Variants in DPYSL5 observed in about 807,000 individuals in gnomAD.
DPYSL5 encodes dihydropyrimidinase-related protein 5.
In DPYSL5, 9 loss-of-function variants were observed where a neutral mutation model predicts 58.4. That is an observed-to-expected ratio of 0.15 (90% CI 0.09 to 0.27). DPYSL5 has a LOEUF of 0.27. Ranked by LOEUF, DPYSL5 falls within the 10% of genes least tolerant of loss-of-function variation. DPYSL5 has a pLI of 1.00. For missense variants in DPYSL5, 499 were observed against 770.6 expected (o/e 0.65, Z 4.17); for synonymous variants, 293 against 301.9 (o/e 0.97, Z 0.31).
At chr2:26,941,467 A>G (rs1457987788) in intron 9 of DPYSL5, among the ~76,000 whole-genome samples, 1 of 152,206 alleles carries the variant, frequency 6.6e-6, no homozygotes, top group Non-Finnish European at 1.5e-5. Context: ...ATGAGCCCCA[A>G]AGAGATTTGA....
At chr2:26,921,242 G>A (rs994863624) in intron 2 of DPYSL5, among the ~76,000 whole-genome samples, 4 of 152,174 alleles carry the variant, frequency 2.6e-5, no homozygotes, top group South Asian at 2.1e-4. Flanking sequence ...GGTGGCTCAC[G>A]CCTGTAATCC....
At position 26,944,101 on chromosome 2, in the gene DPYSL5, C is replaced by T. The variant is rs926511525; in HGVS notation, c.1441-555C>T. On this transcript the variant is annotated intron_variant, in intron 11 of 12. Transcript: ENST00000288699. This position sits in a 1 kb window ranked among gnomAD's most constrained non-coding sequence, Gnocchi z 4.4. ...GGTCAGGAGTTCAAGACCAGCTGGCCAAGATGGTGAAACCCCGTCTCTATT... is the reference window on the plus strand; with the variant it reads ...GGTCAGGAGTTCAAGACCAGCTGGCTAAGATGGTGAAACCCCGTCTCTATT... 1.9e-4 allele frequency among the ~76,000 whole-genome samples: 29 copies of T among 152,064 alleles called. No individual in the cohort carries two copies. The highest frequency in any genetic ancestry group is 3.7e-4 in the Non-Finnish European group (25 of 68,022).
At position 26,950,301 on chromosome 2, in the gene DPYSL5, C is replaced by T. The variant is rs909663720; in HGVS notation, c.*3306C>T. ...CGTTTGAGGCAAAAACTAAACAGCC[C>T]GACACGTTGTGTTCTGGTGCAGGTT... On this transcript the variant is annotated 3_prime_UTR_variant, in exon 13 of 13. Transcript: ENST00000288699. This position sits in a 1 kb window ranked among gnomAD's most constrained non-coding sequence, Gnocchi z 5.3. 1.3e-5 allele frequency: 2 copies of T among 152,168 alleles called. No individual in the cohort carries two copies. The highest frequency in any genetic ancestry group is 4.8e-5 in the African/African-American group (2 of 41,422). The allele number at this position is 152,168 out of a possible 1,614,324, so 9.4% of individuals were successfully genotyped here.
chr2:26,878,474 A>G (rs1663467954), intron 1 of DPYSL5, among the ~76,000 whole-genome samples: 2 of 152,182 alleles, frequency 1.3e-5, no homozygotes, highest in Non-Finnish European at 1.5e-5. Flanking sequence ...CTTTTGCTGT[A>G]TCATAATTTT....
Position 26,942,597 on chromosome 2 carries a change from C to G in DPYSL5, c.1287C>G (p.Asn429Lys). The G allele has an allele frequency of 6.2e-7, 1 of 1,614,158 alleles. No homozygotes were observed. Among genetic ancestry groups the G allele is most frequent in the Non-Finnish European group, 8.5e-7 (1 of 1,180,046 alleles). Residue 429 changes from asparagine (N) to lysine (K), a missense_variant, in exon 11 of 13, where the codon AAC (asparagine) becomes AAG (lysine). Physicochemically the swap from Asn to Lys is moderately conservative, Grantham distance 94. Around this residue, in one of 3 missense-constraint regions of DPYSL5, gnomAD observed 404 missense variants for 647.6 expected, o/e 0.62. Transcript: ENST00000288699. The surrounding 1 kb of genome is among the most constrained non-coding windows in gnomAD (Gnocchi z 5.9). ...GAGGAGACTTCAACCTGTATGAGAA[C>G]ATGCGCTGCCACGGCGTGCCACTGG... is the stretch of plus-strand genomic sequence containing the variant. ...VQGGDFNLYE[N>K]MRCHGVPLVT...
intron 9 of DPYSL5, 109 bp downstream of exon 9, chr2:26,940,281 T>C: frequency 1.5e-6 from 2 of 1,357,078 alleles, no homozygotes; most frequent in South Asian, 3.2e-5. Context: ...TCAAAGAATG[T>C]TCTTAGAAGG....
chr2:26,932,208 AAAAGAAAG>A lies in DPYSL5; in HGVS notation c.714+544_714+551del, dbSNP rs144602360. 4.1e-3 allele frequency among the ~76,000 whole-genome samples: 285 copies of A among 70,216 alleles called. 5 individuals carry two copies. Among genetic ancestry groups the A allele is most frequent in the Non-Finnish European group, 5.4e-3 (182 of 33,400 alleles). The allele number at this position is 70,216 out of a possible 152,430, so 46.1% of individuals were successfully genotyped here. A position where few individuals can be genotyped will look rare whatever the true frequency, so the allele number is the denominator to read the frequency against. ...GAAAGAAAGAAAGAAAGAAAGAAAG[AAAAGAAAG>A]AAAGAAAGAAAGAAAGAAAACCAAC... On this transcript the variant is annotated intron_variant, in intron 6 of 12. Transcript: ENST00000288699.
chr2:26,862,697 A>G (rs866433436), intron 1 of DPYSL5, among the ~76,000 whole-genome samples: 1 of 152,106 alleles, frequency 6.6e-6, no homozygotes, highest in African/African-American at 2.4e-5. Flanking sequence ...CCTGACTGTG[A>G]CAAGGCTGGT....
chr2:26,944,765 G>A lies in DPYSL5; in HGVS notation c.1550G>A (p.Arg517Gln), dbSNP rs1279443976. 3 of 1,614,018 alleles carry A rather than the reference G, an allele frequency of 1.9e-6. No homozygotes were observed. The highest frequency in any genetic ancestry group is 1.3e-5 in the African/African-American group (1 of 74,922). ...ACCCCACTCGCAGACACTCCTACCC[G>A]GCCCGTCACCCGGCATGGGGGCATG... ...MGTPLADTPT[R>Q]PVTRHGGMRD... Residue 517 changes from arginine (R) to glutamine (Q), a missense_variant, in exon 12 of 13, where the codon CGG (arginine) becomes CAG (glutamine). Arg to Gln is a conservative substitution (Grantham distance 43). This residue lies in a region of DPYSL5 where 62 missense variants were observed against 59.2 expected (regional missense o/e 1.05). Coordinates refer to ENST00000288699, the MANE Select transcript of DPYSL5 (RefSeq NM_020134.4). The surrounding 1 kb of genome is among the most constrained non-coding windows in gnomAD (Gnocchi z 4.4).
intron 1 of DPYSL5, among the ~76,000 whole-genome samples, chr2:26,864,357 C>CTAT: frequency 6.6e-6 from 1 of 152,244 alleles, no homozygotes; most frequent in East Asian, 1.9e-4. Context: ...CTGAAAGGGG[C>CTAT]TATGCCTCAA....
At position 26,947,767 on chromosome 2, in the gene DPYSL5, G is replaced by T. The variant is rs916982311; in HGVS notation, c.*772G>T. The T allele has an allele frequency of 6.5e-6, 1 of 152,800 alleles. No individual in the cohort carries two copies. The highest frequency in any genetic ancestry group is 2.4e-5 in the African/African-American group (1 of 41,460). 9.5% of individuals were successfully genotyped at this position (152,800 alleles called of 1,614,324 possible). ...GCTTGTGTCACTAGCATAGAATAGC[G>T]ACAGGAATAGATGTGGTCCTTAGGA... On this transcript the variant is annotated 3_prime_UTR_variant, in exon 13 of 13. Coordinates refer to ENST00000288699, the MANE Select transcript of DPYSL5 (RefSeq NM_020134.4). The surrounding 1 kb of genome is among the most constrained non-coding windows in gnomAD (Gnocchi z 4.2).
intron 5 of DPYSL5, among the ~76,000 whole-genome samples, chr2:26,931,152 A>ATAT (rs1553320829): frequency 8.2e-5 from 4 of 48,818 alleles, no homozygotes; most frequent in African/African-American, 2.6e-4. Context: ...AAAAAAAAAA[A>ATAT]ATATATATAT....
intron 9 of DPYSL5, among the ~76,000 whole-genome samples, chr2:26,941,559 G>T (rs1665322974): frequency 6.6e-6 from 1 of 152,198 alleles, no homozygotes; most frequent in Non-Finnish European, 1.5e-5. Context: ...ACTCTCATGG[G>T]TGGGGCAATA....
At chr2:26,892,104 TC>T (rs1185317193) in intron 1 of DPYSL5, among the ~76,000 whole-genome samples, 1 of 152,218 alleles carries the variant, frequency 6.6e-6, no homozygotes, top group Non-Finnish European at 1.5e-5. Context: ...CAGAGTTAAT[TC>T]CCTTAAGTCA....
At chr2:26,901,924 T>C (rs1664169811) in intron 2 of DPYSL5, among the ~76,000 whole-genome samples, 1 of 152,030 alleles carries the variant, frequency 6.6e-6, no homozygotes, top group African/African-American at 2.4e-5. Context: ...AGTACTTCTT[T>C]AGCCCACGCC....
chr2:26,921,321 G>A (rs762324831), intron 2 of DPYSL5, among the ~76,000 whole-genome samples: 3 of 152,216 alleles, frequency 2.0e-5, no homozygotes, highest in Non-Finnish European at 4.4e-5. Context: ...CCAACATGGT[G>A]AAACCCCGTC....
intron 2 of DPYSL5, among the ~76,000 whole-genome samples, chr2:26,913,787 T>C (rs559376836): frequency 6.6e-6 from 1 of 152,254 alleles, no homozygotes; most frequent in Non-Finnish European, 1.5e-5. Context: ...TCTGTATCCC[T>C]GGGACTCGCT....
intron 1 of DPYSL5, among the ~76,000 whole-genome samples, chr2:26,870,582 A>T (rs1663234135): frequency 1.3e-5 from 2 of 152,050 alleles, no homozygotes; most frequent in South Asian, 4.1e-4. Flanking sequence ...GGCCATGCAC[A>T]TGGCTGTAAT....
chr2:26,855,226 G>A (rs1043189219), intron 1 of DPYSL5, among the ~76,000 whole-genome samples: 3 of 148,148 alleles, frequency 2.0e-5, no homozygotes, highest in Non-Finnish European at 4.5e-5. Context: ...TCAGGAGTTC[G>A]AGACCAGCCT....
Sources: gnomAD v4.1 joint callset for allele counts (sites outside exome capture counted in the v4.1 genomes callset) on GRCh38, gnomAD v4.1.1 for gene constraint, gnomAD v4.1.1 regional missense constraint, Gnocchi (gnomAD v3.1) non-coding constraint, MANE v1.5 for transcripts, NCBI Gene and HGNC (gene_info 2026-07-23, HGNC 2026-07-21) for gene names.